Variants in SHLD1 observed in about 807,000 individuals in gnomAD.
SHLD1 encodes RINN1-REV7-interacting novel NHEJ regulator 3.
Under a neutral mutation model 5.5 loss-of-function variants are expected in SHLD1, and 3 were observed. The observed-to-expected ratio is 0.54, with a 90% CI of 0.25 to 1.40. The LOEUF is 1.40. Among genes scored for constraint, SHLD1 ranks in the 40% most tolerant of loss-of-function variants. The probability of loss-of-function intolerance (pLI) is 0.15; values close to 1 mark genes in which losing one functional copy is unlikely to be tolerated. For synonymous variants in SHLD1, 92 were observed against 94.3 expected, an observed-to-expected ratio of 0.98 and a Z score of 0.14; for missense variants, 210 against 244.4, an observed-to-expected ratio of 0.86 and a Z score of 0.94.
intron 2 of SHLD1, among the ~76,000 whole-genome samples, chr20:5,833,478 G>C (rs1267566003): frequency 6.6e-6 from 1 of 152,210 alleles, no homozygotes; most frequent in African/African-American, 2.4e-5. Flanking sequence ...ACATTGTTTT[G>C]TTTGTTCCGC....
intron 1 of SHLD1, among the ~76,000 whole-genome samples, chr20:5,769,475 C>T (rs6053669): frequency 0.012 from 1,807 of 152,300 alleles, 31 homozygotes; most frequent in African/African-American, 0.041. Flanking sequence ...AGGGGATACC[C>T]GAAATGGCAG....
At chr20:5,849,356 C>T (rs1345438963) in intron 2 of SHLD1, among the ~76,000 whole-genome samples, 4 of 152,058 alleles carry the variant, frequency 2.6e-5, no homozygotes, top group Non-Finnish European at 5.9e-5. Context: ...GGGAGAAATG[C>T]CAGTGGTGAA....
At chr20:5,755,370 GCACATGCAAGGGAT>G (rs895441184) in intron 1 of SHLD1, among the ~76,000 whole-genome samples, 2 of 152,072 alleles carry the variant, frequency 1.3e-5, no homozygotes, top group Non-Finnish European at 2.9e-5. Flanking sequence ...ATTGTGAACT[GCACATGCAAGGGAT>G]CTAGGTTGTG....
At chr20:5,825,166 G>A (rs903969261) in intron 2 of SHLD1, among the ~76,000 whole-genome samples, 4 of 152,176 alleles carry the variant, frequency 2.6e-5, no homozygotes, top group South Asian at 2.1e-4. Context: ...GCATATAATC[G>A]CAGCAACCTG....
chr20:5,837,861 C>A (rs976934362), intron 2 of SHLD1, among the ~76,000 whole-genome samples: 2 of 152,096 alleles, frequency 1.3e-5, no homozygotes, highest in African/African-American at 4.8e-5. Flanking sequence ...CAAATTGTTG[C>A]AAATCTCCAA....
intron 2 of SHLD1, among the ~76,000 whole-genome samples, chr20:5,848,523 C>T (rs969230464): frequency 2.6e-5 from 4 of 152,222 alleles, no homozygotes; most frequent in Non-Finnish European, 5.9e-5. Flanking sequence ...AAAACCACAA[C>T]TACTTTTGCA....
At chr20:5,803,042 G>A (rs2087319129) in intron 2 of SHLD1, among the ~76,000 whole-genome samples, 5 of 152,078 alleles carry the variant, frequency 3.3e-5, no homozygotes, top group Admixed American at 3.3e-4. Flanking sequence ...GCTTATTCTT[G>A]CCTTTAATAT....
chr20:5,782,862 CAAAAT>C (rs1266373047), intron 2 of SHLD1, among the ~76,000 whole-genome samples: 3 of 152,092 alleles, frequency 2.0e-5, no homozygotes, highest in Non-Finnish European at 4.4e-5. Context: ...TAAAAAAACT[CAAAAT>C]AAAATTTATA....
At chr20:5,821,630 A>G (rs920240966) in intron 2 of SHLD1, among the ~76,000 whole-genome samples, 4 of 152,242 alleles carry the variant, frequency 2.6e-5, no homozygotes, top group African/African-American at 9.6e-5. Flanking sequence ...AACATCGATC[A>G]TATCAGAGTT....
Position 5,806,294 on chromosome 20 carries a change from C to T in SHLD1, c.178+33251C>T, listed in dbSNP as rs1051003087. 2.0e-5 allele frequency among the ~76,000 whole-genome samples: 3 copies of T among 152,206 alleles called. No individual in the cohort carries two copies. Among genetic ancestry groups the T allele is most frequent in the Non-Finnish European group, 4.4e-5 (3 of 68,038 alleles). The stretch of plus-strand genomic sequence containing the variant: ...CCACAAACTTTAAAACTGTTGCTTA[C>T]GCATCATGCTATTGGTCCACAGTAT... On this transcript the variant is annotated intron_variant, in intron 2 of 2. Coordinates refer to ENST00000303142, the MANE Select transcript of SHLD1 (RefSeq NM_152504.4). This position sits in a 1 kb window ranked among gnomAD's most constrained non-coding sequence, Gnocchi z 7.6.
At chr20:5,861,236 G>A (rs1004556238) in intron 2 of SHLD1, among the ~76,000 whole-genome samples, 2 of 152,268 alleles carry the variant, frequency 1.3e-5, no homozygotes, top group Non-Finnish European at 2.9e-5. Context: ...GAGGGAGCAT[G>A]CACTCATTCT....
intron 1 of SHLD1, among the ~76,000 whole-genome samples, chr20:5,769,137 G>A (rs930516516): frequency 6.6e-6 from 1 of 152,094 alleles, no homozygotes; most frequent in Non-Finnish European, 1.5e-5. Flanking sequence ...CAACTCCTGG[G>A]CTCAAGAGAT....
intron 2 of SHLD1, among the ~76,000 whole-genome samples, chr20:5,809,066 G>A (rs2087422498): frequency 6.6e-6 from 1 of 152,066 alleles, no homozygotes; most frequent in Non-Finnish European, 1.5e-5. Context: ...ACTTCCAGAG[G>A]TAGAACTAAA....
intron 2 of SHLD1, among the ~76,000 whole-genome samples, chr20:5,837,359 T>C (rs538149401): frequency 1.2e-3 from 180 of 152,280 alleles, no homozygotes; most frequent in African/African-American, 4.0e-3. Context: ...GTTTGTTACA[T>C]AGGTAAATGT....
intron 1 of SHLD1, among the ~76,000 whole-genome samples, chr20:5,766,027 T>G (rs1431901373): frequency 2.6e-5 from 4 of 152,160 alleles, no homozygotes; most frequent in Non-Finnish European, 5.9e-5. Context: ...CTATTTGTTT[T>G]CAAAAAGGAT....
At chr20:5,830,417 C>T (rs113552295) in intron 2 of SHLD1, among the ~76,000 whole-genome samples, 2,045 of 152,194 alleles carry the variant, frequency 0.013, 59 homozygotes, top group African/African-American at 0.045. Context: ...CGGTGGCTCA[C>T]GCCTGTACTC....
At chr20:5,773,137 C>A in intron 2 of SHLD1, 94 bp downstream of exon 2, 2 of 1,358,448 alleles carry the variant, frequency 1.5e-6, no homozygotes, top group Non-Finnish European at 2.1e-6. Flanking sequence ...AATAGCAGAT[C>A]TCTGAGAATG....
At chr20:5,757,421 A>G (rs764261437) in intron 1 of SHLD1, among the ~76,000 whole-genome samples, 13 of 151,758 alleles carry the variant, frequency 8.6e-5, no homozygotes, top group African/African-American at 2.2e-4. Context: ...TTGATAAACT[A>G]TGGGTTTTTC....
At chr20:5,862,637 G>T (rs1168110753) in intron 2 of SHLD1, among the ~76,000 whole-genome samples, 2 of 152,234 alleles carry the variant, frequency 1.3e-5, no homozygotes, top group African/African-American at 2.4e-5. Flanking sequence ...TGGTGACAAA[G>T]TTACAGGTAC....
Sources: allele counts gnomAD v4.1 joint callset (sites outside exome capture counted in the v4.1 genomes callset), GRCh38; gene constraint gnomAD v4.1.1; non-coding constraint Gnocchi (gnomAD v3.1); transcripts MANE v1.5; gene names NCBI Gene and HGNC (gene_info 2026-07-23, HGNC 2026-07-21).